Variants in SMIM8 observed in about 807,000 individuals in gnomAD.
The protein encoded by SMIM8 is small integral membrane protein 8.
Under a neutral mutation model 8.1 loss-of-function variants are expected in SMIM8, and 8 were observed. The observed-to-expected ratio is 0.99, with a 90% CI of 0.58 to 1.78. The LOEUF (loss-of-function observed/expected upper bound fraction) is 1.78, where lower values mean the gene tolerates loss of function less well. Among genes scored for constraint, SMIM8 ranks in the 40% most tolerant of loss-of-function variants. SMIM8 has a pLI of 0.00. For synonymous variants in SMIM8, 45 were observed against 39.7 expected (o/e 1.13, Z -0.50); for missense variants, 126 against 119.8 (o/e 1.05, Z -0.24).
chr6:87,331,704 A>G (rs958734401), intron 2 of SMIM8, among the ~76,000 whole-genome samples: 1 of 152,124 alleles, frequency 6.6e-6, no homozygotes, highest in Non-Finnish European at 1.5e-5. Context: ...TTAACAAAGT[A>G]TAGATGGTTG....
chr6:87,341,102 C>G lies in SMIM8; in HGVS notation c.*828C>G. On this transcript the variant is annotated 3_prime_UTR_variant, in exon 4 of 4. Transcript: ENST00000392863. ...TGTTATAAACATAAGACCAAGTGTT[C>G]TTATAGTTATTTAAAAACTACAACT... 1 of 392,560 alleles carries G rather than the reference C, an allele frequency of 2.5e-6. No homozygotes were observed. 24.3% of individuals were successfully genotyped at this position (392,560 alleles called of 1,614,324 possible). A position where few individuals can be genotyped will look rare whatever the true frequency, so the allele number is the denominator to read the frequency against.
At chr6:87,339,432 GTGTT>G (rs777088957) in intron 3 of SMIM8, among the ~76,000 whole-genome samples, 13,985 of 111,468 alleles carry the variant, frequency 0.13, 862 homozygotes, top group African/African-American at 0.15. Context: ...GTGTGTGTGT[GTGTT>G]TGTGTGTGTG....
intron 3 of SMIM8, among the ~76,000 whole-genome samples, chr6:87,338,414 G>A (rs1246248228): frequency 6.6e-6 from 1 of 152,184 alleles, no homozygotes; most frequent in African/African-American, 2.4e-5. Flanking sequence ...AATCAGGAGA[G>A]GGGGCAAGTA....
At chr6:87,329,496 AACTCCTGACCTCAAGT>A (rs1405117816) in intron 1 of SMIM8, among the ~76,000 whole-genome samples, 1 of 151,788 alleles carries the variant, frequency 6.6e-6, no homozygotes, top group Non-Finnish European at 1.5e-5. Context: ...GCTAGTTTCA[AACTCCTGACCTCAAGT>A]GATCCTGACC....
chr6:87,332,320 C>CATATATATATATATATATATATATAT (rs1209129014), intron 2 of SMIM8, among the ~76,000 whole-genome samples: 18 of 93,096 alleles, frequency 1.9e-4, no homozygotes, highest in African/African-American at 7.5e-4. Flanking sequence ...CCTCCCCCCC[C>CATATATATATATATATATATATATAT]ATATATGTAT....
rs1009045165 is a variant in SMIM8, at chr6:87,341,155, C to T, written c.*881C>T. ...TCAATGGATAAGGAATAGATAAGGT[C>T]TCCTTATTGTACCTTTTTTTTCTTT... On this transcript the variant is annotated 3_prime_UTR_variant, in exon 4 of 4. Transcript: ENST00000392863. The T allele has an allele frequency of 6.3e-5, 25 of 396,806 alleles. 1 individual carries two copies. Among genetic ancestry groups the T allele is most frequent in the Middle Eastern group, 1.2e-3 (2 of 1,604 alleles). 24.6% of individuals were successfully genotyped at this position (396,806 alleles called of 1,614,324 possible).
chr6:87,329,297 CAG>C (rs1202715724), intron 1 of SMIM8: 1 of 153,148 alleles, frequency 6.5e-6, no homozygotes, highest in East Asian at 1.9e-4. Context: ...TGTTTTTAGA[CAG>C]AGTTTCGCTC....
intron 1 of SMIM8, among the ~76,000 whole-genome samples, chr6:87,325,841 G>T (rs1312689129): frequency 2.6e-5 from 4 of 152,210 alleles, no homozygotes; most frequent in African/African-American, 9.7e-5. Context: ...AGAAGGAATG[G>T]TACCAGTTCC....
chr6:87,337,925 G>C (rs1777147970), intron 3 of SMIM8, among the ~76,000 whole-genome samples: 1 of 152,112 alleles, frequency 6.6e-6, no homozygotes, highest in Non-Finnish European at 1.5e-5. Flanking sequence ...ACCACGCCTG[G>C]CTGAGTTTAT....
chr6:87,327,942 C>G (rs1776872929), intron 1 of SMIM8, among the ~76,000 whole-genome samples: 1 of 149,994 alleles, frequency 6.7e-6, no homozygotes, highest in South Asian at 2.1e-4. Flanking sequence ...TTCTTGGAGG[C>G]TTTGCTTGTT....
rs1429510143 is a variant in SMIM8, at chr6:87,340,936, C to A, written c.*662C>A. 11 of 113,522 alleles carry A rather than the reference C, an allele frequency of 9.7e-5. No homozygotes were observed. Among genetic ancestry groups the A allele is most frequent in the Non-Finnish European group, 6.7e-5 (4 of 60,012 alleles). 7.0% of individuals were successfully genotyped at this position (113,522 alleles called of 1,614,324 possible). A position where few individuals can be genotyped will look rare whatever the true frequency, so the allele number is the denominator to read the frequency against. ...ATATCCCAGAGTAATTGGAGTTTTT[C>A]TTTAAAAAAAAAAAAAAAGTATGTT... On this transcript the variant is annotated 3_prime_UTR_variant, in exon 4 of 4. Coordinates refer to ENST00000392863, the MANE Select transcript of SMIM8 (RefSeq NM_001042493.3).
chr6:87,322,928 G>C (rs976293633), intron 1 of SMIM8: 4 of 152,176 alleles, frequency 2.6e-5, no homozygotes, highest in Non-Finnish European at 5.9e-5. Flanking sequence ...GAACTCTCTC[G>C]TTTCCTGCAG....
At chr6:87,335,151 A>G (rs1345421973) in intron 2 of SMIM8, among the ~76,000 whole-genome samples, 1 of 152,236 alleles carries the variant, frequency 6.6e-6, no homozygotes, top group Non-Finnish European at 1.5e-5. Context: ...ATCTGTAATC[A>G]TGAAATGTTA....
At chr6:87,324,399 T>A (rs1776763982) in intron 1 of SMIM8, among the ~76,000 whole-genome samples, 1 of 151,960 alleles carries the variant, frequency 6.6e-6, no homozygotes, top group Non-Finnish European at 1.5e-5. Flanking sequence ...TTTTATGGTT[T>A]TAGGTCTAAC....
rs904461764 is a variant in SMIM8 at position 87,340,643 on chromosome 6, T to C, written c.*369T>C. 6.4e-6 allele frequency: 1 copy of C among 155,584 alleles called. No homozygotes were observed. Among genetic ancestry groups the C allele is most frequent in the African/African-American group, 2.4e-5 (1 of 41,630 alleles). 9.6% of individuals were successfully genotyped at this position (155,584 alleles called of 1,614,324 possible). A position where few individuals can be genotyped will look rare whatever the true frequency, so the allele number is the denominator to read the frequency against. On this transcript the variant is annotated 3_prime_UTR_variant, in exon 4 of 4. Transcript: ENST00000392863. ...TGCCGGTGCAGCTGTCGTGAAAGTT[T>C]ACTTGTGTTTTGCTACTTGCAAAGG... is the stretch of plus-strand genomic sequence containing the variant.
At chr6:87,339,918 C>T (rs1337845138) in intron 3 of SMIM8, among the ~76,000 whole-genome samples, 198 bp from the exon 4 acceptor site, 1 of 152,042 alleles carries the variant, frequency 6.6e-6, no homozygotes, top group Admixed American at 6.5e-5. Flanking sequence ...AAGCAAGAGT[C>T]TTCTATAATC....
At position 87,330,310 on chromosome 6, in the gene SMIM8, A is replaced by T. The variant is rs139776129; in HGVS notation, c.-44-382A>T. ...GGTTCCTGCTCGTTAACATTTTATGATTCTGGTCATTTTGTTTTGTCTTCT... is the reference window on the plus strand; with the variant it reads ...GGTTCCTGCTCGTTAACATTTTATGTTTCTGGTCATTTTGTTTTGTCTTCT... On this transcript the variant is annotated intron_variant, in intron 1 of 3. Coordinates refer to ENST00000392863, the MANE Select transcript of SMIM8 (RefSeq NM_001042493.3). Among the ~76,000 whole-genome samples, 1,209 of 152,232 alleles carry T rather than the reference A, an allele frequency of 7.9e-3. 22 individuals are homozygous for T. The highest frequency in any genetic ancestry group is 0.027 in the African/African-American group (1,105 of 41,542).
chr6:87,339,199 G>A (rs1266206224), intron 3 of SMIM8, among the ~76,000 whole-genome samples: 4 of 152,138 alleles, frequency 2.6e-5, no homozygotes, highest in Non-Finnish European at 5.9e-5. Flanking sequence ...CAGCTTGGGA[G>A]GCTGAGGCAG....
At chr6:87,325,028 A>G (rs1264174961) in intron 1 of SMIM8, among the ~76,000 whole-genome samples, 1 of 152,006 alleles carries the variant, frequency 6.6e-6, no homozygotes, top group Non-Finnish European at 1.5e-5. Flanking sequence ...TTCTCTTTGA[A>G]GCAATTGTGA....
Sources: gnomAD v4.1 joint callset for allele counts (sites outside exome capture counted in the v4.1 genomes callset) on GRCh38, gnomAD v4.1.1 for gene constraint, MANE v1.5 for transcripts, NCBI Gene and HGNC (gene_info 2026-07-23, HGNC 2026-07-21) for gene names.